Variants in UNC13C observed in about 807,000 individuals in gnomAD.
UNC13C encodes the protein unc-13 homolog C, also known as protein unc-13 homolog C.
UNC13C carries 174 observed loss-of-function variants against 245.4 expected under a neutral mutation model. The observed-to-expected ratio is 0.71, with a 90% CI of 0.63 to 0.80. The LOEUF is 0.80. UNC13C is among the 30% of genes least tolerant of loss of function. The pLI, the probability that UNC13C is intolerant of heterozygous loss-of-function variation, is 0.00. For synonymous variants in UNC13C, 992 were observed against 895.1 expected, an observed-to-expected ratio of 1.11 and a Z score of -1.93; for missense variants, 2,829 against 2,602.9, an observed-to-expected ratio of 1.09 and a Z score of -1.89.
intron 10 of UNC13C, among the ~76,000 whole-genome samples, chr15:54,283,710 ATGTGTGTGTG>A (rs56013029): frequency 1.1e-4 from 17 of 149,688 alleles, no homozygotes; most frequent in East Asian, 6.0e-4. Flanking sequence ...GTATATATAT[ATGTGTGTGTG>A]TGTGTGTGTG....
At chr15:54,585,237 T>A (rs905415687) in intron 30 of UNC13C, among the ~76,000 whole-genome samples, 1 of 152,182 alleles carries the variant, frequency 6.6e-6, no homozygotes, top group East Asian at 1.9e-4. Flanking sequence ...CCTTCATGAA[T>A]GGCTTGGTAC....
chr15:54,118,373 T>A (rs562815833), intron 2 of UNC13C, among the ~76,000 whole-genome samples: 6 of 152,244 alleles, frequency 3.9e-5, no homozygotes, highest in African/African-American at 1.4e-4. Flanking sequence ...TTTACTTCTT[T>A]GGTTAAATTG....
chr15:54,526,721 G>A (rs1442164761), intron 25 of UNC13C, among the ~76,000 whole-genome samples: 1 of 135,762 alleles, frequency 7.4e-6, no homozygotes, highest in Non-Finnish European at 1.5e-5. Flanking sequence ...TCCAGCCTGG[G>A]CAACAGAGAC....
intron 28 of UNC13C, among the ~76,000 whole-genome samples, chr15:54,553,415 T>C (rs982944722): frequency 1.4e-4 from 18 of 129,360 alleles, no homozygotes; most frequent in African/African-American, 4.8e-4. Context: ...TATTGTAATA[T>C]ATAATATTAT....
chr15:54,046,740 A>G (rs1268708792), intron 2 of UNC13C, among the ~76,000 whole-genome samples: 1 of 152,020 alleles, frequency 6.6e-6, no homozygotes, highest in African/African-American at 2.4e-5. Flanking sequence ...ATATAACAAT[A>G]TAGAAAATAT....
At chr15:54,444,391 CCTTTA>C (rs1485892301) in intron 19 of UNC13C, among the ~76,000 whole-genome samples, 3 of 150,856 alleles carry the variant, frequency 2.0e-5, no homozygotes, top group Admixed American at 6.6e-5. Flanking sequence ...CTTTTCCATT[CCTTTA>C]CTTTGAGTCT....
chr15:54,628,934 A>AGTG (rs1901373657), downstream of UNC13C: 1 of 150,450 alleles, frequency 6.6e-6, no homozygotes, highest in African/African-American at 2.5e-5. Flanking sequence ...ATTACTGAGT[A>AGTG]CACAGCCAAA....
intron 1 of UNC13C, among the ~76,000 whole-genome samples, chr15:54,000,057 A>G (rs1343609157): frequency 6.6e-6 from 1 of 152,104 alleles, no homozygotes; most frequent in African/African-American, 2.4e-5. Flanking sequence ...CAGAAAAATT[A>G]GATGACTTCC....
chr15:54,400,019 T>G (rs2040149914), intron 18 of UNC13C, among the ~76,000 whole-genome samples: 1 of 151,988 alleles, frequency 6.6e-6, no homozygotes, highest in Admixed American at 6.6e-5. Flanking sequence ...ATTCAACAAT[T>G]ATCAAAATTT....
chr15:54,038,116 A>ATT (rs1315947594), intron 2 of UNC13C, among the ~76,000 whole-genome samples: 28 of 22,574 alleles, frequency 1.2e-3, no homozygotes, highest in East Asian at 5.1e-3. Context: ...ATATATATAT[A>ATT]TATATATATT....
At chr15:54,411,047 G>C (rs2040406862) in intron 18 of UNC13C, among the ~76,000 whole-genome samples, 1 of 151,944 alleles carries the variant, frequency 6.6e-6, no homozygotes, top group African/African-American at 2.4e-5. Context: ...TATTCTAATA[G>C]ACATGTAGTA....
At chr15:54,107,287 G>A (rs1280645930) in intron 2 of UNC13C, among the ~76,000 whole-genome samples, 13 of 151,764 alleles carry the variant, frequency 8.6e-5, no homozygotes, top group Admixed American at 8.5e-4. Context: ...TAGGTATGAG[G>A]GGAAAGAAAC....
Position 54,116,723 on chromosome 15 carries a change from G to A in UNC13C, c.2984-26295G>A, listed in dbSNP as rs1198456113. Among the ~76,000 whole-genome samples, 2 of 152,122 alleles carry A rather than the reference G, an allele frequency of 1.3e-5. 1 individual carries two copies. Among genetic ancestry groups the A allele is most frequent in the Admixed American group, 1.3e-4 (2 of 15,280 alleles). On this transcript the variant is annotated intron_variant, in intron 2 of 32. Coordinates refer to ENST00000260323, the MANE Select transcript of UNC13C (RefSeq NM_001080534.3). Reference sequence around the variant, plus strand: ...TTCCACATGTTGGCTATTGTAAATAGTGCTGCGATAAACATGAGAATGCAG... The same window carrying A: ...TTCCACATGTTGGCTATTGTAAATAATGCTGCGATAAACATGAGAATGCAG...
chr15:54,432,229 A>G (rs1274481522), intron 19 of UNC13C, among the ~76,000 whole-genome samples: 1 of 151,534 alleles, frequency 6.6e-6, no homozygotes, highest in African/African-American at 2.4e-5. Context: ...GTATTTAACA[A>G]TTATTCTTGC....
Position 53,978,807 on chromosome 15 carries a change from A to C in UNC13C, c.-377A>C, listed in dbSNP as rs1302791252. On this transcript the variant is annotated 5_prime_UTR_variant, in exon 1 of 33. Coordinates refer to ENST00000260323, the MANE Select transcript of UNC13C (RefSeq NM_001080534.3). The stretch of plus-strand genomic sequence containing the variant: ...CTAACTATTTGTGATTGAAAAAAGG[A>C]AACGAGACTAGAAACACAATTGCAA... 6.6e-6 allele frequency among the ~76,000 whole-genome samples: 1 copy of C among 152,158 alleles called. No homozygotes were observed. Among genetic ancestry groups the C allele is most frequent in the Non-Finnish European group, 1.5e-5 (1 of 68,024 alleles).
At chr15:53,858,764 C>T in the UNC13C span, among the ~76,000 whole-genome samples, 2 of 151,992 alleles carry the variant, frequency 1.3e-5, no homozygotes, top group Admixed American at 1.3e-4. Flanking sequence ...TTATCTGTGG[C>T]CTAATGGCTA....
At chr15:53,981,546 CTGT>C (rs1254111147) in intron 1 of UNC13C, among the ~76,000 whole-genome samples, 3 of 152,164 alleles carry the variant, frequency 2.0e-5, no homozygotes, top group Admixed American at 2.0e-4. Flanking sequence ...ATTTGTATTT[CTGT>C]TGTTATTACA....
chr15:53,861,566 T>C, the UNC13C span, among the ~76,000 whole-genome samples: 5 of 152,164 alleles, frequency 3.3e-5, no homozygotes, highest in Non-Finnish European at 7.3e-5. Context: ...TTTCTTAGCA[T>C]GGGTCGTCTA....
At chr15:53,999,691 T>C (rs1174087192) in intron 1 of UNC13C, among the ~76,000 whole-genome samples, 2 of 152,042 alleles carry the variant, frequency 1.3e-5, no homozygotes, top group Non-Finnish European at 2.9e-5. Flanking sequence ...TATAAATTCA[T>C]GTTTAAGCAC....
Sources: gnomAD v4.1 joint callset for allele counts (sites outside exome capture counted in the v4.1 genomes callset) on GRCh38, gnomAD v4.1.1 for gene constraint, MANE v1.5 for transcripts, NCBI Gene and HGNC (gene_info 2026-07-23, HGNC 2026-07-21) for gene names.